CDH4: variants seen among roughly 807,000 people sequenced by gnomAD.
CDH4 encodes the protein cadherin-4.
CDH4 carries 33 observed loss-of-function variants against 86.0 expected under a neutral mutation model. The observed-to-expected ratio is 0.38, with a 90% CI of 0.29 to 0.51. The LOEUF is 0.51. Among genes scored for constraint, CDH4 ranks in the 20% least tolerant of loss-of-function variants. CDH4 has a pLI of 0.86. For synonymous variants in CDH4, 555 were observed against 549.4 expected (o/e 1.01, Z -0.14); for missense variants, 1,114 against 1,307.4 (o/e 0.85, Z 2.28).
At chr20:61,505,768 G>T (rs771232868) in intron 2 of CDH4, among the ~76,000 whole-genome samples, 2 of 151,580 alleles carry the variant, frequency 1.3e-5, no homozygotes, top group Non-Finnish European at 3.0e-5. Context: ...CTCCCAGGAC[G>T]CTAATGTTCT....
intron 4 of CDH4, among the ~76,000 whole-genome samples, chr20:61,799,869 C>T (rs1601001023): frequency 1.3e-5 from 2 of 152,206 alleles, no homozygotes; most frequent in African/African-American, 2.4e-5. Flanking sequence ...CATAACACCA[C>T]GGTCCCTGCG....
chr20:61,292,778 CTGTTTT>C (rs559593362), intron 2 of CDH4, among the ~76,000 whole-genome samples: 2 of 152,348 alleles, frequency 1.3e-5, no homozygotes, highest in African/African-American at 4.8e-5. Flanking sequence ...TTGGGCAATG[CTGTTTT>C]TGTTTTTGTT....
intron 2 of CDH4, among the ~76,000 whole-genome samples, chr20:61,692,193 ATGTT>A (rs375256383): frequency 5.9e-4 from 88 of 148,170 alleles, no homozygotes; most frequent in African/African-American, 1.6e-3. Context: ...GTGTCTGTAT[ATGTT>A]TGTGTGTATG....
chr20:61,624,811 G>T (rs1274155311), intron 2 of CDH4, among the ~76,000 whole-genome samples: 2 of 152,326 alleles, frequency 1.3e-5, no homozygotes, highest in East Asian at 1.9e-4. Context: ...GAGCTCTAGG[G>T]AGCCGACGCT....
At chr20:61,899,414 T>C (rs1448036772) in intron 8 of CDH4, among the ~76,000 whole-genome samples, 2 of 152,230 alleles carry the variant, frequency 1.3e-5, no homozygotes, top group African/African-American at 4.8e-5. Flanking sequence ...CAAGCAAGCA[T>C]GAATAAAATC....
chr20:61,496,129 G>A (rs964872242), intron 2 of CDH4, among the ~76,000 whole-genome samples: 1 of 152,090 alleles, frequency 6.6e-6, no homozygotes, highest in African/African-American at 2.4e-5. Context: ...GCCAGCCACA[G>A]TGGCTCACTC....
intron 4 of CDH4, among the ~76,000 whole-genome samples, chr20:61,783,857 GATGTCCT>G (rs1161866587): frequency 1.3e-4 from 6 of 45,536 alleles, no homozygotes; most frequent in African/African-American, 6.4e-4. Context: ...AAGGCCCTCA[GATGTCCT>G]GTGCCCCCAA....
At chr20:61,770,738 C>T (rs1309996547) in intron 3 of CDH4, among the ~76,000 whole-genome samples, 1 of 152,048 alleles carries the variant, frequency 6.6e-6, no homozygotes, top group Non-Finnish European at 1.5e-5. Context: ...AAAAAATTAG[C>T]CGGGCGTGGT....
chr20:61,732,061 C>T (rs1227175383), intron 2 of CDH4, among the ~76,000 whole-genome samples: 1 of 152,248 alleles, frequency 6.6e-6, no homozygotes, highest in African/African-American at 2.4e-5. Context: ...CCTCCTCTCC[C>T]CTCTGGGAGC....
intron 2 of CDH4, among the ~76,000 whole-genome samples, chr20:61,624,719 T>C (rs2086812935): frequency 6.6e-6 from 1 of 152,176 alleles, no homozygotes; most frequent in Non-Finnish European, 1.5e-5. Flanking sequence ...AGTGGTGAAT[T>C]CTCTGTTGAG....
chr20:61,658,143 G>A (rs910028315), intron 2 of CDH4, among the ~76,000 whole-genome samples: 6 of 152,120 alleles, frequency 3.9e-5, no homozygotes, highest in Admixed American at 3.3e-4. Flanking sequence ...TTCCCCTGGA[G>A]GCTGCTCTCG....
At chr20:61,721,618 C>T (rs1302573320) in intron 2 of CDH4, among the ~76,000 whole-genome samples, 1 of 152,166 alleles carries the variant, frequency 6.6e-6, no homozygotes, top group Non-Finnish European at 1.5e-5. Context: ...GGATAATTAC[C>T]TCAGGAGAAA....
intron 4 of CDH4, among the ~76,000 whole-genome samples, chr20:61,844,356 C>T (rs1982326581): frequency 3.3e-5 from 5 of 152,090 alleles, no homozygotes; most frequent in Middle Eastern, 3.4e-3. Flanking sequence ...TGTCAGAACA[C>T]GAGGCCATTT....
chr20:61,369,131 C>A (rs530284799), intron 2 of CDH4, among the ~76,000 whole-genome samples: 1 of 152,210 alleles, frequency 6.6e-6, no homozygotes, highest in African/African-American at 2.4e-5. Context: ...AGCAGTTGAA[C>A]CCCTGGCCCA....
Position 61,873,736 on chromosome 20 carries a change from G to C in CDH4, c.886G>C (p.Val296Leu). 2 of 1,613,258 alleles carry C rather than the reference G, an allele frequency of 1.2e-6. No individual in the cohort carries two copies. The highest frequency in any genetic ancestry group is 1.7e-6 in the Non-Finnish European group (2 of 1,179,954). Reference sequence around the variant, plus strand: ...TGCTGTCTCCGTTCCAGGCACCTACGTGATGACCGTCACGGCCAACGATGC... The same window carrying C: ...TGCTGTCTCCGTTCCAGGCACCTACCTGATGACCGTCACGGCCAACGATGC... ...VDEGSKPGTYVMTVTANDADD... is the reference protein window; with the variant it reads ...VDEGSKPGTYLMTVTANDADD... Residue 296 changes from valine to leucine, a missense_variant, in exon 7 of 16, where the codon GTG (valine) becomes CTG (leucine). This residue lies in a region of CDH4 where 705 missense variants were observed against 914.1 expected (regional missense o/e 0.77). Transcript: ENST00000614565.
At chr20:61,526,928 C>T (rs926849534) in intron 2 of CDH4, among the ~76,000 whole-genome samples, 1 of 152,182 alleles carries the variant, frequency 6.6e-6, no homozygotes, top group Admixed American at 6.5e-5. Context: ...TTTCGGAAAG[C>T]TTTTTGAAAA....
Position 61,252,549 on chromosome 20 carries a change from C to G in CDH4, c.36C>G (p.Leu12=). 1.7e-6 allele frequency: 2 copies of G among 1,203,808 alleles called. No individual in the cohort carries two copies. Among genetic ancestry groups the G allele is most frequent in the Non-Finnish European group, 1.0e-6 (1 of 969,798 alleles). The allele number at this position is 1,203,808 out of a possible 1,614,324, so 74.6% of individuals were successfully genotyped here. ...GCGCCGGCGTGCTCCTTCTGCTGCTCTCGCTCTCCGGCGCGCTCCGGGTAA... is the reference window on the plus strand; with the variant it reads ...GCGCCGGCGTGCTCCTTCTGCTGCTGTCGCTCTCCGGCGCGCTCCGGGTAA... ...TAGAGVLLLL[L]SLSGALRAHN... Residue 12 remains leucine, a synonymous_variant, in exon 1 of 16, where the codon CTC becomes CTG. Transcript: ENST00000614565. This position sits in a 1 kb window ranked among gnomAD's most constrained non-coding sequence, Gnocchi z 4.4.
chr20:61,648,322 A>G (rs2087086973), intron 2 of CDH4, among the ~76,000 whole-genome samples: 1 of 152,176 alleles, frequency 6.6e-6, no homozygotes, highest in African/African-American at 2.4e-5. Context: ...GCAGCTGGTG[A>G]TTATCAGAGC....
intron 2 of CDH4, among the ~76,000 whole-genome samples, chr20:61,554,885 C>CGT (rs1600754201): frequency 1.3e-5 from 2 of 152,138 alleles, no homozygotes; most frequent in South Asian, 2.1e-4. Flanking sequence ...AGTAAGCTCA[C>CGT]GTTTTACATG....
Sources: gnomAD v4.1 joint callset for allele counts (sites outside exome capture counted in the v4.1 genomes callset) on GRCh38, gnomAD v4.1.1 for gene constraint, gnomAD v4.1.1 regional missense constraint, Gnocchi (gnomAD v3.1) non-coding constraint, MANE v1.5 for transcripts, NCBI Gene and HGNC (gene_info 2026-07-23, HGNC 2026-07-21) for gene names.